SNED1: variants seen among roughly 807,000 people sequenced by gnomAD.
The protein encoded by SNED1 is sushi, nidogen and EGF-like domain-containing protein 1.
SNED1 carries 81 observed loss-of-function variants against 166.7 expected under a neutral mutation model. The observed-to-expected ratio is 0.49, with a 90% CI of 0.41 to 0.58. The LOEUF (loss-of-function observed/expected upper bound fraction) is 0.58, where lower values mean the gene tolerates loss of function less well. Ranked by LOEUF, SNED1 falls within the 20% of genes least tolerant of loss-of-function variation. The pLI is 0.00. For missense variants in SNED1, 1,604 were observed against 2,000.2 expected (o/e 0.80, Z 3.78); for synonymous variants, 762 against 822.0 (o/e 0.93, Z 1.25).
rs778485471 is a variant in SNED1 at position 241,036,771 on chromosome 2, C to T, written c.806-19C>T. 3.1e-6 allele frequency: 5 copies of T among 1,604,948 alleles called. No individual in the cohort carries two copies. The African/African-American group carries it at 5.3e-5, about 17-fold the overall frequency. ...CCGGAGGCAGCGGCTGAGGCTCCAG[C>T]CCCTCCCTATGTCTGCAGCGTCCGT... is the stretch of plus-strand genomic sequence containing the variant. On this transcript the variant is annotated intron_variant, in intron 4 of 31. Coordinates refer to ENST00000310397, the MANE Select transcript of SNED1 (RefSeq NM_001080437.3).
intron 16 of SNED1, among the ~76,000 whole-genome samples, chr2:241,058,778 G>A (rs1411019608): frequency 1.3e-5 from 2 of 152,030 alleles, no homozygotes; most frequent in South Asian, 2.1e-4. Flanking sequence ...GTGAAACCCC[G>A]TCTCTACTAA....
At chr2:241,006,636 G>A (rs527842200) in intron 1 of SNED1, among the ~76,000 whole-genome samples, 11 of 152,330 alleles carry the variant, frequency 7.2e-5, no homozygotes, top group South Asian at 4.1e-4. Context: ...ACATATTTCC[G>A]TGTGTGTATT....
intron 4 of SNED1, among the ~76,000 whole-genome samples, chr2:241,036,010 G>A (rs1229613248): frequency 3.5e-5 from 1 of 28,310 alleles, no homozygotes; most frequent in South Asian, 1.9e-3. Context: ...GGGGAGGGGA[G>A]TGGGGGGTGG....
Position 240,999,065 on chromosome 2 carries a change from G to A in SNED1, c.213+15G>A. The A allele has an allele frequency of 1.6e-6, 2 of 1,269,424 alleles. No individual in the cohort carries two copies. The highest frequency in any genetic ancestry group is 3.4e-5 in the East Asian group (1 of 29,142). The allele number at this position is 1,269,424 out of a possible 1,614,324, so 78.6% of individuals were successfully genotyped here. A position where few individuals can be genotyped will look rare whatever the true frequency, so the allele number is the denominator to read the frequency against. On this transcript the variant is annotated intron_variant, in intron 1 of 31. Transcript: ENST00000310397. This position sits in a 1 kb window ranked among gnomAD's most constrained non-coding sequence, Gnocchi z 5.8. ...CCGGACTCTACGTGAGTAACCCCCG[G>A]GCTCGCGGGGCGCCCGGGAGGGGAG... is the stretch of plus-strand genomic sequence containing the variant.
intron 1 of SNED1, among the ~76,000 whole-genome samples, chr2:241,000,706 T>C (rs1233215409): frequency 6.6e-6 from 1 of 152,256 alleles, no homozygotes; most frequent in Non-Finnish European, 1.5e-5. Flanking sequence ...GAAGATCTGC[T>C]AGGAGAACTA....
chr2:241,033,612 C>A, intron 2 of SNED1, 123 bp from the exon 3 acceptor site: 1 of 1,144,138 alleles, frequency 8.7e-7, no homozygotes, highest in Non-Finnish European at 1.2e-6. Flanking sequence ...AGCTGGAAGA[C>A]ACAGACATTG....
Position 241,073,240 on chromosome 2 carries a change from T to G in SNED1, c.3818-26T>G. 1 of 1,528,300 alleles carries G rather than the reference T, an allele frequency of 6.5e-7. No homozygotes were observed. The highest frequency in any genetic ancestry group is 8.9e-7 in the Non-Finnish European group (1 of 1,126,686). The allele number at this position is 1,528,300 out of a possible 1,614,324, so 94.7% of individuals were successfully genotyped here. On this transcript the variant is annotated intron_variant, in intron 26 of 31. Transcript: ENST00000310397. The surrounding 1 kb of genome is among the most constrained non-coding windows in gnomAD (Gnocchi z 6.6). ...TCCCGGGTGCAAAGCAGCTGCGCCG[T>G]GTGGTCACCGCCTGGCTTCTCCTAG... is the stretch of plus-strand genomic sequence containing the variant.
intron 1 of SNED1, among the ~76,000 whole-genome samples, chr2:241,001,117 C>G (rs1031793608): frequency 6.6e-6 from 1 of 152,258 alleles, no homozygotes; most frequent in South Asian, 2.1e-4. Context: ...GGCCTCGTGT[C>G]TGCTGGCCCT....
At chr2:241,044,608 G>A (rs555041478) in intron 8 of SNED1, among the ~76,000 whole-genome samples, 37 of 152,188 alleles carry the variant, frequency 2.4e-4, no homozygotes, top group Non-Finnish European at 4.6e-4. Context: ...CCAGAAGTGG[G>A]CATCCACACG....
At chr2:241,014,862 G>A (rs186791433) in intron 1 of SNED1, among the ~76,000 whole-genome samples, 17 of 152,214 alleles carry the variant, frequency 1.1e-4, no homozygotes, top group Admixed American at 3.3e-4. Flanking sequence ...GTAGAGTCAC[G>A]CAGGTTCCAT....
chr2:241,062,546 C>T (rs1228226249), intron 16 of SNED1, among the ~76,000 whole-genome samples: 1 of 152,146 alleles, frequency 6.6e-6, no homozygotes. Flanking sequence ...AGTCCCACAG[C>T]GTCTTCTGGG....
chr2:241,054,660 A>G (rs1261037146), intron 16 of SNED1, among the ~76,000 whole-genome samples: 2 of 152,272 alleles, frequency 1.3e-5, no homozygotes, highest in Non-Finnish European at 2.9e-5. Flanking sequence ...AGGATCGATA[A>G]ATTATTTTAA....
intron 27 of SNED1, among the ~76,000 whole-genome samples, chr2:241,079,991 CTTGT>C (rs1016654117): frequency 1.4e-4 from 21 of 152,050 alleles, no homozygotes; most frequent in African/African-American, 5.1e-4. Flanking sequence ...AGTTAAAAAT[CTTGT>C]TTGTTTTGGC....
intron 5 of SNED1, 128 bp from the exon 6 acceptor site, chr2:241,037,112 C>T: frequency 2.0e-6 from 2 of 1,000,136 alleles, no homozygotes; most frequent in Non-Finnish European, 3.0e-6. Flanking sequence ...TGGGCGGGTG[C>T]AGTTGCTGCC....
intron 12 of SNED1, among the ~76,000 whole-genome samples, chr2:241,050,708 G>T (rs956789371): frequency 6.6e-6 from 1 of 152,168 alleles, no homozygotes; most frequent in Admixed American, 6.5e-5. Flanking sequence ...CTCTGACGAG[G>T]TCTTTGTCTC....
Position 241,088,373 on chromosome 2 carries a change from G to C in SNED1, c.4214G>C (p.Ser1405Thr). The C allele has an allele frequency of 6.2e-7, 1 of 1,610,320 alleles. No individual in the cohort carries two copies. Among genetic ancestry groups the C allele is most frequent in the Middle Eastern group, 1.7e-4 (1 of 6,058 alleles). The change falls in exon 31 of 32, where the codon AGT (serine) becomes ACT (threonine). Residue 1405 changes from serine to threonine, a missense_variant. Physicochemically the swap from Ser to Thr is moderately conservative, Grantham distance 58. Coordinates refer to ENST00000310397, the MANE Select transcript of SNED1 (RefSeq NM_001080437.3). Reference protein sequence around the residue: ...SLKKTPNRKQSKSQTLEKS With the variant: ...SLKKTPNRKQTKSQTLEKS ...TTCTCTAATTATTTCAGGAAACAAA[G>C]TAAGAGTCAGACACTGGAGAAATCT...
intron 1 of SNED1, among the ~76,000 whole-genome samples, chr2:241,002,022 C>T (rs1021503020): frequency 6.6e-6 from 1 of 152,206 alleles, no homozygotes; most frequent in Non-Finnish European, 1.5e-5. Flanking sequence ...CATTACCATC[C>T]AGGCACAGTC....
In SNED1 at chr2:241,068,329, C is replaced by CTGTGATT; in HGVS notation, c.3194+383_3194+384insGTGATTT. On this transcript the variant is annotated intron_variant, in intron 22 of 31. Coordinates refer to ENST00000310397, the MANE Select transcript of SNED1 (RefSeq NM_001080437.3). This position sits in a 1 kb window ranked among gnomAD's most constrained non-coding sequence, Gnocchi z 5.3. ...CTCCCAGGAGTCCCACAGTGGACCC[C>CTGTGATT]TCAGAGAGCAGCGGCCAGCGAGGGT... is the stretch of plus-strand genomic sequence containing the variant. 6.6e-6 allele frequency among the ~76,000 whole-genome samples: 1 copy of CTGTGATT among 151,268 alleles called. No homozygotes were observed. The highest frequency in any genetic ancestry group is 2.5e-5 in the African/African-American group (1 of 40,574).
intron 1 of SNED1, among the ~76,000 whole-genome samples, chr2:241,017,025 A>AT (rs2124874426): frequency 6.6e-6 from 1 of 151,666 alleles, no homozygotes; most frequent in East Asian, 1.9e-4. Context: ...GCTAATTTGT[A>AT]TTTTTAGTAG....
Sources: gnomAD v4.1 joint callset for allele counts (sites outside exome capture counted in the v4.1 genomes callset) on GRCh38, gnomAD v4.1.1 for gene constraint, Gnocchi (gnomAD v3.1) non-coding constraint, MANE v1.5 for transcripts, NCBI Gene and HGNC (gene_info 2026-07-23, HGNC 2026-07-21) for gene names.